ANKFN1: variants seen among roughly 807,000 people sequenced by gnomAD.
ANKFN1 encodes ankyrin repeat and fibronectin type III domain containing 1, also known as ankyrin repeat and fibronectin type-III domain-containing protein 1.
A neutral mutation model predicts 108.7 loss-of-function variants in ANKFN1; 74 were observed. The observed-to-expected ratio is 0.68, with a 90% confidence interval of 0.56 to 0.83. The LOEUF is 0.83. ANKFN1 is among the 40% of genes least tolerant of loss of function. The pLI is 0.00. For synonymous variants in ANKFN1, 547 were observed against 516.2 expected (o/e 1.06, Z -0.81); for missense variants, 1,505 against 1,382.3 (o/e 1.09, Z -1.41).
Position 56,386,336 on chromosome 17 carries a change from G to C in ANKFN1, c.910+11622G>C, listed in dbSNP as rs151083789. ...GGGACTGTTGTGGGGTGGGGGGAGC[G>C]GGGAGGGATAGCATCAGGAGATATA... On this transcript the variant is annotated intron_variant, in intron 8 of 20. Coordinates refer to ENST00000682825, the MANE Select transcript of ANKFN1 (RefSeq NM_001370326.1). Among the ~76,000 whole-genome samples the C allele has an allele frequency of 2.6e-5, 4 of 151,936 alleles. No individual in the cohort carries two copies. The South Asian group carries it at 8.3e-4, about 32-fold the overall frequency.
chr17:56,444,521 A>G (rs1010664727), intron 10 of ANKFN1, among the ~76,000 whole-genome samples: 1 of 152,160 alleles, frequency 6.6e-6, no homozygotes, highest in Non-Finnish European at 1.5e-5. Flanking sequence ...CCTTGCGGCA[A>G]TCTTTCCTCA....
intron 3 of ANKFN1, among the ~76,000 whole-genome samples, chr17:56,313,283 A>G (rs532369570): frequency 6.6e-6 from 1 of 152,312 alleles, no homozygotes; most frequent in South Asian, 2.1e-4. Context: ...AGTCCCATGA[A>G]ACAGGGACAG....
intron 20 of ANKFN1, among the ~76,000 whole-genome samples, chr17:56,507,089 C>T (rs184543119): frequency 1.3e-5 from 2 of 152,284 alleles, no homozygotes; most frequent in African/African-American, 2.4e-5. Flanking sequence ...AGTTCAACTA[C>T]AGTCAATTAT....
At chr17:56,426,403 G>T (rs750282351) in intron 8 of ANKFN1, among the ~76,000 whole-genome samples, 19 of 152,082 alleles carry the variant, frequency 1.2e-4, no homozygotes, top group Non-Finnish European at 2.1e-4. Context: ...ACCTTTATTG[G>T]ATACCTACTA....
chr17:56,350,551 A>G (rs2046218960), intron 4 of ANKFN1, among the ~76,000 whole-genome samples: 1 of 152,076 alleles, frequency 6.6e-6, no homozygotes, highest in Non-Finnish European at 1.5e-5. Flanking sequence ...TCCTGCCACC[A>G]ATTAGCTCTG....
At chr17:56,154,389 A>C (rs1908888348) in intron 1 of ANKFN1, among the ~76,000 whole-genome samples, 1 of 152,214 alleles carries the variant, frequency 6.6e-6, no homozygotes, top group South Asian at 2.1e-4. Flanking sequence ...ATGAACCTGA[A>C]GCTTAAGACC....
At chr17:56,053,868 T>A (rs543053544) in intron 4 of ANKFN1, among the ~76,000 whole-genome samples, 62 of 152,258 alleles carry the variant, frequency 4.1e-4, no homozygotes, top group Admixed American at 1.2e-3. Flanking sequence ...AGGTATTTTT[T>A]AAAAAAATTA....
chr17:56,094,049 G>A (rs1043733654), intron 4 of ANKFN1, among the ~76,000 whole-genome samples: 1 of 151,238 alleles, frequency 6.6e-6, no homozygotes. Flanking sequence ...CTCACACAGG[G>A]AGTACACCGT....
chr17:56,112,373 C>A (rs1166960514), intron 4 of ANKFN1, among the ~76,000 whole-genome samples: 1 of 152,002 alleles, frequency 6.6e-6, no homozygotes, highest in Non-Finnish European at 1.5e-5. Context: ...CGGGTTACAA[C>A]TAAAATCAAT....
chr17:56,489,211 A>G lies in ANKFN1; in HGVS notation c.2261-2976A>G, dbSNP rs983058184. Among the ~76,000 whole-genome samples the G allele has an allele frequency of 2.6e-4, 40 of 152,304 alleles. 1 individual carries two copies. Among genetic ancestry groups the G allele is most frequent in the Admixed American group, 4.6e-4 (7 of 15,294 alleles). ...ATGTAGAAAAAAGAGGGAGAAAAAT[A>G]CCATAGAAAATTAGTCTTAGTCTGT... On this transcript the variant is annotated intron_variant, in intron 18 of 20. Transcript: ENST00000682825.
intron 3 of ANKFN1, among the ~76,000 whole-genome samples, chr17:56,271,349 G>A (rs995809684): frequency 6.6e-6 from 1 of 152,120 alleles, no homozygotes; most frequent in Non-Finnish European, 1.5e-5. Context: ...TAAGCTCCAG[G>A]TCGGGGACCA....
chr17:56,294,945 G>A, intron 3 of ANKFN1, among the ~76,000 whole-genome samples: 1 of 152,208 alleles, frequency 6.6e-6, no homozygotes, highest in Non-Finnish European at 1.5e-5. Flanking sequence ...CTTTCTGGCA[G>A]CAGGAGGAAA....
intron 8 of ANKFN1, among the ~76,000 whole-genome samples, chr17:56,401,026 C>G (rs1757000194): frequency 6.6e-6 from 1 of 152,092 alleles, no homozygotes; most frequent in South Asian, 2.1e-4. Context: ...AGTGTGATGC[C>G]TCCAGATTTA....
intron 4 of ANKFN1, among the ~76,000 whole-genome samples, chr17:56,063,861 T>G (rs1905018200): frequency 6.6e-6 from 1 of 152,122 alleles, no homozygotes; most frequent in Non-Finnish European, 1.5e-5. Context: ...CATTTTTTTC[T>G]TATCTTCATG....
chr17:56,416,593 G>A (rs1005594234), intron 8 of ANKFN1, among the ~76,000 whole-genome samples: 4 of 152,110 alleles, frequency 2.6e-5, no homozygotes, highest in East Asian at 1.9e-4. Context: ...GGAAATCCTC[G>A]TACGCTGTTG....
rs144290012 is a variant in ANKFN1, at chr17:56,162,485, C to T, written c.-71+8955C>T. Among the ~76,000 whole-genome samples, 233 of 152,280 alleles carry T rather than the reference C, an allele frequency of 1.5e-3. 2 individuals carry two copies. The highest frequency in any genetic ancestry group is 5.3e-3 in the African/African-American group (221 of 41,570). On this transcript the variant is annotated intron_variant, in intron 1 of 20. Transcript: ENST00000682825. The stretch of plus-strand genomic sequence containing the variant: ...TGGTCCTTCTTCCATACATATCTGT[C>T]CACATTTCCTCTTGTTATAAGGACA...
chr17:56,098,545 A>G (rs1339434929), intron 4 of ANKFN1, among the ~76,000 whole-genome samples: 1 of 152,102 alleles, frequency 6.6e-6, no homozygotes, highest in Non-Finnish European at 1.5e-5. Flanking sequence ...TTTATGTATT[A>G]TCTATCTCCT....
At chr17:56,183,513 A>T (rs1911886722) in intron 1 of ANKFN1, among the ~76,000 whole-genome samples, 1 of 152,108 alleles carries the variant, frequency 6.6e-6, no homozygotes, top group Non-Finnish European at 1.5e-5. Context: ...AGTTCTCTCA[A>T]AGTTAGTTCA....
intron 4 of ANKFN1, among the ~76,000 whole-genome samples, chr17:56,146,358 A>G (rs1989144): frequency 6.6e-6 from 1 of 152,136 alleles, no homozygotes; most frequent in Non-Finnish European, 1.5e-5. Flanking sequence ...TCACAGCTCC[A>G]CTAGGTCATG....
Sources: allele counts gnomAD v4.1 joint callset (sites outside exome capture counted in the v4.1 genomes callset), GRCh38; gene constraint gnomAD v4.1.1; transcripts MANE v1.5; gene names NCBI Gene and HGNC (gene_info 2026-07-23, HGNC 2026-07-21).